OSTN: variants seen among roughly 807,000 people sequenced by gnomAD.
The protein encoded by OSTN is osteocrin.
OSTN carries 9 observed loss-of-function variants against 12.0 expected under a neutral mutation model. The observed-to-expected ratio is 0.75, with a 90% CI of 0.45 to 1.30. The LOEUF (loss-of-function observed/expected upper bound fraction) is 1.30, where lower values mean the gene tolerates loss of function less well. Ranked by LOEUF, OSTN falls within the 50% of genes most tolerant of loss-of-function variation. The pLI, the probability that OSTN is intolerant of heterozygous loss-of-function variation, is 0.00. For synonymous variants in OSTN, 59 were observed against 56.9 expected (o/e 1.04, Z -0.16); for missense variants, 148 against 152.3 (o/e 0.97, Z 0.15).
At chr3:191,247,497 A>G (rs1715461384) in intron 3 of OSTN, among the ~76,000 whole-genome samples, 1 of 152,222 alleles carries the variant, frequency 6.6e-6, no homozygotes. Flanking sequence ...AGGAGAAAAA[A>G]AAGATCACAC....
At chr3:191,213,891 G>A (rs1242669883) in intron 2 of OSTN, among the ~76,000 whole-genome samples, 1 of 151,896 alleles carries the variant, frequency 6.6e-6, no homozygotes, top group East Asian at 1.9e-4. Context: ...CCCTTTGAAG[G>A]TTTATCTCCT....
chr3:191,227,799 C>G (rs909745198), intron 3 of OSTN, among the ~76,000 whole-genome samples: 15 of 152,036 alleles, frequency 9.9e-5, no homozygotes, highest in Admixed American at 2.6e-4. Context: ...AATTTTAGTG[C>G]ACAGACTGAG....
chr3:191,209,953 A>G lies in OSTN; in HGVS notation c.1-2580A>G, dbSNP rs1236899461. On this transcript the variant is annotated intron_variant, in intron 1 of 4. Transcript: ENST00000682035. Reference sequence around the variant, plus strand: ...CTTCCCTCTCTGTCAGTTTTATGGCAGCTACCTGTATTAGTCCATTCTCAC... The same window carrying G: ...CTTCCCTCTCTGTCAGTTTTATGGCGGCTACCTGTATTAGTCCATTCTCAC... Among the ~76,000 whole-genome samples, 3 of 152,318 alleles carry G rather than the reference A, an allele frequency of 2.0e-5. No individual in the cohort carries two copies. The South Asian group carries it at 6.2e-4, about 32-fold the overall frequency.
chr3:191,262,233 C>T (rs1322904176), intron 4 of OSTN, among the ~76,000 whole-genome samples: 2 of 152,078 alleles, frequency 1.3e-5, no homozygotes, highest in African/African-American at 2.4e-5. Context: ...AGAAAAGAAA[C>T]GTGACCATTA....
intron 4 of OSTN, among the ~76,000 whole-genome samples, chr3:191,256,082 TAGAC>T (rs750054490): frequency 1.3e-5 from 2 of 152,082 alleles, no homozygotes; most frequent in Non-Finnish European, 2.9e-5. Context: ...ACAAAAGTCT[TAGAC>T]TGGCATGGTT....
At chr3:191,213,004 G>A (rs1576923879) in intron 2 of OSTN, among the ~76,000 whole-genome samples, 1 of 150,450 alleles carries the variant, frequency 6.6e-6, no homozygotes, top group Non-Finnish European at 1.5e-5. Context: ...CCAAGTAGCT[G>A]GGATTATAGG....
rs187413550 is a variant in OSTN at position 191,221,394 on chromosome 3, G to C, written c.317+2433G>C. Among the ~76,000 whole-genome samples the C allele has an allele frequency of 2.1e-3, 314 of 152,142 alleles. 3 individuals are homozygous for C. The highest frequency in any genetic ancestry group is 3.8e-4 in the Non-Finnish European group (26 of 68,024). On this transcript the variant is annotated intron_variant, in intron 3 of 4. Transcript: ENST00000682035. ...AGTTTGGAGGGCTCAGAAGAAGATA[G>C]GATAATATGGGAAAGTTTGGAACTT...
rs138895069 is a variant in OSTN, at chr3:191,250,934, G to T, written c.*12+801G>T. Among the ~76,000 whole-genome samples, 514 of 152,192 alleles carry T rather than the reference G, an allele frequency of 3.4e-3. 7 individuals are homozygous for T. Among genetic ancestry groups the T allele is most frequent in the Admixed American group, 0.018 (281 of 15,280 alleles). On this transcript the variant is annotated intron_variant, in intron 4 of 4. Coordinates refer to ENST00000682035, the MANE Select transcript of OSTN (RefSeq NM_198184.2). ...AATTATTGATGTATAAGGGTTAAAG[G>T]TGCCAGCTAAAGAGATCAGGCCTTA...
At position 191,264,058 on chromosome 3, in the gene OSTN, C is replaced by G. The variant is rs545497811; in HGVS notation, c.*1205C>G. 3.3e-5 allele frequency: 5 copies of G among 151,986 alleles called. No homozygotes were observed. Among genetic ancestry groups the G allele is most frequent in the Admixed American group, 2.6e-4 (4 of 15,286 alleles). 9.4% of individuals were successfully genotyped at this position (151,986 alleles called of 1,614,324 possible). A position where few individuals can be genotyped will look rare whatever the true frequency, so the allele number is the denominator to read the frequency against. ...AAACCCTAAAAATCACTGTCTGATA[C>G]GTGGGAGGAAAAAAGTTTTGTCCAG... is the stretch of plus-strand genomic sequence containing the variant. On this transcript the variant is annotated 3_prime_UTR_variant, in exon 5 of 5. Coordinates refer to ENST00000682035, the MANE Select transcript of OSTN (RefSeq NM_198184.2).
intron 3 of OSTN, among the ~76,000 whole-genome samples, chr3:191,236,332 A>C (rs181775702): frequency 1.6e-4 from 24 of 152,254 alleles, no homozygotes; most frequent in African/African-American, 5.8e-4. Flanking sequence ...AGGTATTGTT[A>C]CCAGAAAGGG....
At position 191,256,274 on chromosome 3, in the gene OSTN, A is replaced by C. The variant is rs1442028538; in HGVS notation, c.*12+6141A>C. Among the ~76,000 whole-genome samples the C allele has an allele frequency of 3.3e-5, 5 of 152,202 alleles. 1 individual carries two copies. The East Asian group carries it at 9.6e-4, about 29-fold the overall frequency. On this transcript the variant is annotated intron_variant, in intron 4 of 4. Coordinates refer to ENST00000682035, the MANE Select transcript of OSTN (RefSeq NM_198184.2). ...ATATAAATATAATGCAAAGTAAAAC[A>C]CATTTCAGACTTGACAATGCTTCCT...
chr3:191,224,698 C>T (rs1215342512), intron 3 of OSTN, among the ~76,000 whole-genome samples: 1 of 151,862 alleles, frequency 6.6e-6, no homozygotes, highest in Non-Finnish European at 1.5e-5. Context: ...AAATCAAAAA[C>T]AAGAAGACAG....
At chr3:191,240,341 A>C (rs1376373653) in intron 3 of OSTN, among the ~76,000 whole-genome samples, 1 of 152,128 alleles carries the variant, frequency 6.6e-6, no homozygotes, top group Non-Finnish European at 1.5e-5. Flanking sequence ...TTGCATTTTA[A>C]TTTTAAATTG....
chr3:191,245,744 G>A (rs983079804), intron 3 of OSTN, among the ~76,000 whole-genome samples: 1 of 152,132 alleles, frequency 6.6e-6, no homozygotes, highest in Non-Finnish European at 1.5e-5. Context: ...ACCAAAGAAT[G>A]TTCTGTTTTA....
chr3:191,221,976 T>C (rs1397764140), intron 3 of OSTN, among the ~76,000 whole-genome samples: 2 of 152,222 alleles, frequency 1.3e-5, no homozygotes, highest in Non-Finnish European at 2.9e-5. Context: ...AAAGTATAAC[T>C]GGGGCCATGG....
intron 3 of OSTN, among the ~76,000 whole-genome samples, chr3:191,224,920 T>C (rs1158600316): frequency 6.6e-6 from 1 of 150,854 alleles, no homozygotes; most frequent in Admixed American, 6.6e-5. Context: ...AGCAAAAAAA[T>C]GTAGAAAGAA....
chr3:191,241,138 C>T (rs1420607668), intron 3 of OSTN, among the ~76,000 whole-genome samples: 12 of 141,756 alleles, frequency 8.5e-5, no homozygotes, highest in African/African-American at 2.3e-4. Flanking sequence ...TTGGATAGAA[C>T]TCAAAGTTGG....
At chr3:191,250,861 T>C (rs1233769207) in intron 4 of OSTN, among the ~76,000 whole-genome samples, 1 of 152,178 alleles carries the variant, frequency 6.6e-6, no homozygotes, top group African/African-American at 2.4e-5. Flanking sequence ...CTTCACTTAA[T>C]CATTTTATTT....
At position 191,262,871 on chromosome 3, in the gene OSTN, A is replaced by G. The variant is rs944239414; in HGVS notation, c.*18A>G. ...CTCAACTTTCGTTTTTGCAGATGCA[A>G]CTTCCTTGGGTGAAATGTCACAGCA... is the stretch of plus-strand genomic sequence containing the variant. On this transcript the variant is annotated 3_prime_UTR_variant, in exon 5 of 5. Transcript: ENST00000682035. The G allele has an allele frequency of 5.7e-6, 4 of 702,082 alleles. No homozygotes were observed. Among genetic ancestry groups the G allele is most frequent in the African/African-American group, 3.5e-5 (2 of 57,242 alleles). 43.5% of individuals were successfully genotyped at this position (702,082 alleles called of 1,614,324 possible). A position where few individuals can be genotyped will look rare whatever the true frequency, so the allele number is the denominator to read the frequency against.
Sources: allele counts gnomAD v4.1 joint callset (sites outside exome capture counted in the v4.1 genomes callset), GRCh38; gene constraint gnomAD v4.1.1; transcripts MANE v1.5; gene names NCBI Gene and HGNC (gene_info 2026-07-23, HGNC 2026-07-21).